FCGR2B: variants seen among roughly 807,000 people sequenced by gnomAD.
The protein encoded by FCGR2B is low affinity immunoglobulin gamma Fc region receptor II-b.
A neutral mutation model predicts 24.8 loss-of-function variants in FCGR2B; 18 were observed. The ratio of observed to expected loss-of-function variants is 0.73; its 90% CI spans 0.50 to 1.08. The LOEUF is 1.08. Ranked by LOEUF, FCGR2B falls within the 50% of genes least tolerant of loss-of-function variation. FCGR2B has a pLI of 0.00. For synonymous variants in FCGR2B, 79 were observed against 109.8 expected (o/e 0.72, Z 1.75); for missense variants, 215 against 297.6 (o/e 0.72, Z 2.04).
rs780382003 is a variant in FCGR2B, at chr1:161,671,615, C to G, written c.357C>G (p.Ser119Arg). 9 of 1,613,920 alleles carry G rather than the reference C, an allele frequency of 5.6e-6. No individual in the cohort carries two copies. Among genetic ancestry groups the G allele is most frequent in the Non-Finnish European group, 7.6e-6 (9 of 1,179,830 alleles). ...GEYTCQTGQT[S>R]LSDPVHLTVL... is the part of the protein sequence containing the mutation. ...ACACGTGCCAGACTGGCCAGACCAGCCTCAGCGACCCTGTGCATCTGACTG... is the reference window on the plus strand; with the variant it reads ...ACACGTGCCAGACTGGCCAGACCAGGCTCAGCGACCCTGTGCATCTGACTG... Residue 119 changes from serine (S) to arginine (R), a missense_variant, in exon 3 of 8, where the codon AGC (serine) becomes AGG (arginine). By Grantham distance (110) the Ser-to-Arg change is moderately radical. Around this residue, in one of 5 missense-constraint regions of FCGR2B, gnomAD observed 39 missense variants for 73.3 expected, o/e 0.53. Transcript: ENST00000358671.
chr1:161,673,024 C>T lies in FCGR2B; in HGVS notation c.441C>T (p.Thr147=). 1 of 1,612,632 alleles carries T rather than the reference C, an allele frequency of 6.2e-7. No individual in the cohort carries two copies. Among genetic ancestry groups the T allele is most frequent in the Non-Finnish European group, 8.5e-7 (1 of 1,179,398 alleles). ...TPHLEFQEGE[T]IVLRCHSWKD... is the part of the protein sequence containing the mutation. ...ACCTGGAGTTCCAGGAGGGAGAAAC[C>T]ATCGTGCTGAGGTGCCACAGCTGGA... Residue 147 remains threonine, a synonymous_variant, in exon 4 of 8, where the codon ACC becomes ACT. Coordinates refer to ENST00000358671, the MANE Select transcript of FCGR2B (RefSeq NM_001394477.1).
At chr1:161,649,491 G>A in the FCGR2B span, among the ~76,000 whole-genome samples, 2 of 150,952 alleles carry the variant, frequency 1.3e-5, no homozygotes, top group Non-Finnish European at 2.9e-5. Context: ...GTTTAGCAGG[G>A]TGCAAGTGAC....
intron 1 of FCGR2B, among the ~76,000 whole-genome samples, chr1:161,669,108 TC>T (rs1395993652): frequency 1.5e-5 from 2 of 136,864 alleles, no homozygotes; most frequent in African/African-American, 5.1e-5. Context: ...CCCAGTGGCA[TC>T]CCCCTACCCC....
At chr1:161,672,914 T>A (rs1477418975) in intron 3 of FCGR2B, 61 bp from the exon 4 acceptor site, 4 of 1,603,892 alleles carry the variant, frequency 2.5e-6, no homozygotes, top group Non-Finnish European at 3.4e-6. Flanking sequence ...GTAAGGAAGA[T>A]CTGGGTCTCA....
chr1:161,647,471 T>C, the FCGR2B span, among the ~76,000 whole-genome samples: 2 of 150,414 alleles, frequency 1.3e-5, no homozygotes, highest in South Asian at 4.2e-4. Context: ...CGTCTAATTT[T>C]TGTACTTTTA....
chr1:161,673,162 T>G lies in FCGR2B; in HGVS notation c.579T>G (p.Asp193Glu), dbSNP rs1327821410. ...AAGCAAACCACAGTCACAGTGGTGA[T>G]TACCACTGCACAGGAAACATAGGCT... ...IPQANHSHSG[D>E]YHCTGNIGYT... The change falls in exon 4 of 8, where the codon GAT (aspartate) becomes GAG (glutamate). Residue 193 changes from aspartate (D) to glutamate (E), a missense_variant. Physicochemically the swap from Asp to Glu is conservative, Grantham distance 45 (BLOSUM62 2). Coordinates refer to ENST00000358671, the MANE Select transcript of FCGR2B (RefSeq NM_001394477.1). 6.2e-7 allele frequency: 1 copy of G among 1,611,774 alleles called. No individual in the cohort carries two copies. The highest frequency in any genetic ancestry group is 1.3e-5 in the African/African-American group (1 of 74,438).
At chr1:161,667,986 CTT>C (rs1681388906) in intron 1 of FCGR2B, among the ~76,000 whole-genome samples, 1 of 41,216 alleles carries the variant, frequency 2.4e-5, no homozygotes, top group Non-Finnish European at 5.5e-5. Flanking sequence ...TAAAAAAAAA[CTT>C]AAATTTATTT....
the FCGR2B span, among the ~76,000 whole-genome samples, chr1:161,649,208 A>G: frequency 1.1e-3 from 168 of 151,002 alleles, 4 homozygotes; most frequent in Admixed American, 1.7e-3. Context: ...ATTAATGAGG[A>G]AAGCAGTTAG....
the FCGR2B span, among the ~76,000 whole-genome samples, chr1:161,653,109 A>G: frequency 1.5e-5 from 2 of 134,438 alleles, no homozygotes; most frequent in African/African-American, 5.1e-5. Flanking sequence ...TATATAAATA[A>G]GGAGAGAAAT....
the FCGR2B span, among the ~76,000 whole-genome samples, chr1:161,654,435 C>A: frequency 7.3e-6 from 1 of 136,804 alleles, no homozygotes; most frequent in East Asian, 1.9e-4. Flanking sequence ...TTTCCTGTGC[C>A]CTGGGCCCTT....
At chr1:161,673,486 G>A (rs779802777) in intron 4 of FCGR2B, 15 of 723,676 alleles carry the variant, frequency 2.1e-5, no homozygotes, top group South Asian at 8.3e-5. Context: ...GGACGGCAGC[G>A]AAGCAGAGCT....
chr1:161,672,720 T>C (rs1487430962), intron 3 of FCGR2B: 1 of 591,910 alleles, frequency 1.7e-6, no homozygotes, highest in Non-Finnish European at 3.0e-6. Context: ...TGAACACCTA[T>C]TATGTGCTAG....
Position 161,677,684 on chromosome 1 carries a change from C to A in FCGR2B, c.*131C>A. 1.4e-6 allele frequency: 1 copy of A among 714,112 alleles called. No homozygotes were observed. Among genetic ancestry groups the A allele is most frequent in the Non-Finnish European group, 2.4e-6 (1 of 424,156 alleles). 44.2% of individuals were successfully genotyped at this position (714,112 alleles called of 1,614,324 possible). ...CAAAAGAGAAGGTTTCTTCCAGAGT[C>A]ATCTACCTGAGTCCTGAAGCTCCCT... On this transcript the variant is annotated 3_prime_UTR_variant, in exon 8 of 8. Transcript: ENST00000358671.
At chr1:161,647,393 C>T in the FCGR2B span, among the ~76,000 whole-genome samples, 6 of 149,130 alleles carry the variant, frequency 4.0e-5, no homozygotes, top group East Asian at 2.0e-4. Context: ...CCCCGCCTGC[C>T]GGGTTCAAGC....
intron 3 of FCGR2B, chr1:161,672,588 C>A: frequency 3.1e-6 from 1 of 322,322 alleles, no homozygotes. Context: ...TGGATTCTTC[C>A]TTCCCTCCTC....
At chr1:161,673,560 T>C (rs1271239248) in intron 4 of FCGR2B, 1 of 711,280 alleles carries the variant, frequency 1.4e-6, no homozygotes, top group Admixed American at 1.8e-5. Flanking sequence ...TTTGCCTTTA[T>C]TCTTCTCATG....
intron 3 of FCGR2B, 97 bp from the exon 4 acceptor site, chr1:161,672,878 T>C: frequency 6.5e-7 from 1 of 1,537,708 alleles, no homozygotes; most frequent in Middle Eastern, 2.1e-4. Flanking sequence ...ACCTAAGCTG[T>C]TCCCTCTGCA....
the FCGR2B span, among the ~76,000 whole-genome samples, chr1:161,649,900 G>A: frequency 6.7e-6 from 1 of 150,260 alleles, no homozygotes; most frequent in Non-Finnish European, 1.5e-5. Flanking sequence ...GATTGGATGG[G>A]AATGGTAGAT....
At chr1:161,656,382 A>G in the FCGR2B span, among the ~76,000 whole-genome samples, 1 of 104,938 alleles carries the variant, frequency 9.5e-6, no homozygotes, top group Admixed American at 1.1e-4. Flanking sequence ...AGCACTGCAT[A>G]TGGGTTGAGT....
Sources: allele counts gnomAD v4.1 joint callset (sites outside exome capture counted in the v4.1 genomes callset), GRCh38; gene constraint gnomAD v4.1.1; regional missense constraint gnomAD v4.1.1; transcripts MANE v1.5; gene names NCBI Gene and HGNC (gene_info 2026-07-23, HGNC 2026-07-21).